SLIT2: variants seen among roughly 807,000 people sequenced by gnomAD.
SLIT2 encodes slit guidance ligand 2, also known as slit homolog 2 protein.
SLIT2 carries 41 observed loss-of-function variants against 185.7 expected under a neutral mutation model. The ratio of observed to expected loss-of-function variants is 0.22; its 90% CI spans 0.17 to 0.29. SLIT2 has a LOEUF of 0.29. SLIT2 is among the 10% of genes least tolerant of loss of function. The pLI, the probability that SLIT2 is intolerant of heterozygous loss-of-function variation, is 1.00. For missense variants in SLIT2, 1,571 were observed against 1,909.0 expected, an observed-to-expected ratio of 0.82 and a Z score of 3.30; for synonymous variants, 693 against 680.2, an observed-to-expected ratio of 1.02 and a Z score of -0.29.
intron 4 of SLIT2, among the ~76,000 whole-genome samples, chr4:20,391,129 G>A (rs1286032566): frequency 6.6e-6 from 1 of 151,890 alleles, no homozygotes; most frequent in Non-Finnish European, 1.5e-5. Context: ...TTGTAAAAAC[G>A]GTTAGAATTG....
chr4:20,346,624 A>G (rs1721434751), intron 4 of SLIT2, among the ~76,000 whole-genome samples: 1 of 152,216 alleles, frequency 6.6e-6, no homozygotes, highest in South Asian at 2.1e-4. Context: ...GTAAAGTCCC[A>G]TGATAGGCTG....
intron 4 of SLIT2, among the ~76,000 whole-genome samples, chr4:20,421,068 C>T (rs1728136143): frequency 6.6e-6 from 1 of 152,088 alleles, no homozygotes; most frequent in Non-Finnish European, 1.5e-5. Context: ...GAAACTGGTA[C>T]CTGGAGGTAG....
chr4:20,597,204 G>A (rs1006664611), intron 32 of SLIT2, among the ~76,000 whole-genome samples: 2 of 151,766 alleles, frequency 1.3e-5, no homozygotes, highest in Admixed American at 6.6e-5. Context: ...TAGCTGGGAC[G>A]ACAAGCATGT....
chr4:20,311,053 AT>A (rs1255986386), intron 4 of SLIT2, among the ~76,000 whole-genome samples: 15 of 152,040 alleles, frequency 9.9e-5, no homozygotes, highest in Admixed American at 9.8e-4. Context: ...TCAGCAAATT[AT>A]TTTTTTAATT....
chr4:20,302,275 T>G (rs961125296), intron 4 of SLIT2, among the ~76,000 whole-genome samples: 2 of 152,180 alleles, frequency 1.3e-5, no homozygotes, highest in African/African-American at 4.8e-5. Flanking sequence ...GGCTTAAACT[T>G]AAGATATCTG....
intron 3 of SLIT2, among the ~76,000 whole-genome samples, chr4:20,263,458 GCA>G (rs1334037474): frequency 6.6e-6 from 1 of 151,772 alleles, no homozygotes; most frequent in African/African-American, 2.4e-5. Context: ...TAGAGTAAAA[GCA>G]CAGAGTGTGG....
intron 29 of SLIT2, among the ~76,000 whole-genome samples, chr4:20,577,743 T>C (rs1726196836): frequency 6.6e-6 from 1 of 152,214 alleles, no homozygotes; most frequent in South Asian, 2.1e-4. Context: ...GCATGGTCTG[T>C]AGGAGTAGAG....
chr4:20,574,432 G>A (rs1725900227), intron 29 of SLIT2, among the ~76,000 whole-genome samples: 2 of 152,146 alleles, frequency 1.3e-5, no homozygotes, highest in African/African-American at 4.8e-5. Flanking sequence ...AACACAACGT[G>A]TGCTTGTCTT....
intron 29 of SLIT2, among the ~76,000 whole-genome samples, chr4:20,580,427 G>C (rs942921552): frequency 6.6e-6 from 1 of 151,816 alleles, no homozygotes; most frequent in African/African-American, 2.4e-5. Context: ...GTGTGTGTGT[G>C]TGTGTGTGTA....
intron 10 of SLIT2, 92 bp downstream of exon 10, chr4:20,510,658 G>A: frequency 1.4e-6 from 1 of 712,962 alleles, no homozygotes; most frequent in Admixed American, 2.4e-5. Context: ...GTATATAAGT[G>A]TTTGACAGCT....
intron 29 of SLIT2, among the ~76,000 whole-genome samples, chr4:20,575,070 G>A (rs1318442078): frequency 1.3e-5 from 2 of 152,212 alleles, no homozygotes; most frequent in Non-Finnish European, 1.5e-5. Flanking sequence ...CCTGGGTCAG[G>A]GATGTCTAAG....
intron 4 of SLIT2, among the ~76,000 whole-genome samples, chr4:20,280,455 G>A (rs183617515): frequency 1.1e-3 from 160 of 151,804 alleles, no homozygotes; most frequent in Middle Eastern, 3.4e-3. Flanking sequence ...TTTTTTTGAG[G>A]ATCAGTTTCT....
chr4:20,254,971 C>A lies in SLIT2; in HGVS notation c.179+977C>A, dbSNP rs1193200256. The A allele has an allele frequency of 2.2e-6, 1 of 456,312 alleles. No homozygotes were observed. The allele number at this position is 456,312 out of a possible 1,614,324, so 28.3% of individuals were successfully genotyped here. ...ATGCAGACCCGGTGTTGACGGCCCA[C>A]GCGCTCCTGATGAGGCGCTTCCAGA... is the stretch of plus-strand genomic sequence containing the variant. On this transcript the variant is annotated intron_variant, in intron 1 of 36. Coordinates refer to ENST00000504154, the MANE Select transcript of SLIT2 (RefSeq NM_004787.4). The surrounding 1 kb of genome is among the most constrained non-coding windows in gnomAD (Gnocchi z 5.1).
chr4:20,461,041 A>T (rs1713648728), intron 4 of SLIT2, among the ~76,000 whole-genome samples: 1 of 152,260 alleles, frequency 6.6e-6, no homozygotes, highest in African/African-American at 2.4e-5. Flanking sequence ...CTTACAGATA[A>T]GCAAATGGAG....
At chr4:20,299,697 C>G (rs563192114) in intron 4 of SLIT2, among the ~76,000 whole-genome samples, 2 of 150,264 alleles carry the variant, frequency 1.3e-5, no homozygotes, top group African/African-American at 2.4e-5. Flanking sequence ...ATGTGATGGT[C>G]AAAAATGTGG....
intron 9 of SLIT2, among the ~76,000 whole-genome samples, chr4:20,508,086 T>C (rs796617301): frequency 7.2e-5 from 11 of 152,114 alleles, no homozygotes; most frequent in African/African-American, 2.4e-4. Flanking sequence ...GAAAAAAAAC[T>C]CCCTTTCTTA....
chr4:20,380,813 G>A (rs900472370), intron 4 of SLIT2, among the ~76,000 whole-genome samples: 3 of 151,892 alleles, frequency 2.0e-5, no homozygotes, highest in African/African-American at 7.3e-5. Context: ...TGAGGTTCCA[G>A]GAAATAAGGG....
intron 9 of SLIT2, among the ~76,000 whole-genome samples, chr4:20,492,510 G>A (rs1717872102): frequency 6.6e-6 from 1 of 152,206 alleles, no homozygotes; most frequent in Non-Finnish European, 1.5e-5. Context: ...GCATTTCTAT[G>A]TCCTCACCAA....
chr4:20,317,540 T>C (rs966928144), intron 4 of SLIT2, among the ~76,000 whole-genome samples: 3 of 152,082 alleles, frequency 2.0e-5, no homozygotes, highest in Non-Finnish European at 4.4e-5. Flanking sequence ...TCATTGCTCT[T>C]TTATTAGGTT....
Sources: gnomAD v4.1 joint callset for allele counts (sites outside exome capture counted in the v4.1 genomes callset) on GRCh38, gnomAD v4.1.1 for gene constraint, Gnocchi (gnomAD v3.1) non-coding constraint, MANE v1.5 for transcripts, NCBI Gene and HGNC (gene_info 2026-07-23, HGNC 2026-07-21) for gene names.